Variants in HOMER2 observed in about 807,000 individuals in gnomAD.
The protein encoded by HOMER2 is homer protein homolog 2.
HOMER2 carries 27 observed loss-of-function variants against 47.0 expected under a neutral mutation model. The ratio of observed to expected loss-of-function variants is 0.57; its 90% CI spans 0.42 to 0.79. HOMER2 has a LOEUF of 0.79. Ranked by LOEUF, HOMER2 falls within the 30% of genes least tolerant of loss-of-function variation. HOMER2 has a pLI of 0.00. For synonymous variants in HOMER2, 161 were observed against 163.8 expected, an observed-to-expected ratio of 0.98 and a Z score of 0.13; for missense variants, 443 against 435.0, an observed-to-expected ratio of 1.02 and a Z score of -0.16.
At position 82,875,261 on chromosome 15, in the gene HOMER2, G is replaced by A; in HGVS notation, c.294+12C>T. On this transcript the variant is annotated intron_variant, in intron 3 of 8. Transcript: ENST00000450735. The stretch of plus-strand genomic sequence containing the variant: ...TGCGGGATTTACTGCACTGTGGATA[G>A]GACCAAGTTACCTTTGTCAGCTGCT... The A allele has an allele frequency of 6.2e-7, 1 of 1,612,706 alleles. No homozygotes were observed. The highest frequency in any genetic ancestry group is 8.5e-7 in the Non-Finnish European group (1 of 1,179,666).
chr15:82,916,352 C>A (rs1458970032), intron 1 of HOMER2, among the ~76,000 whole-genome samples: 2 of 152,114 alleles, frequency 1.3e-5, no homozygotes, highest in Non-Finnish European at 2.9e-5. Flanking sequence ...CCAAGAATAT[C>A]CCAGGAAACA....
chr15:82,983,770 T>C (rs191552001), intron 1 of HOMER2, among the ~76,000 whole-genome samples: 3 of 151,762 alleles, frequency 2.0e-5, no homozygotes, highest in Non-Finnish European at 4.4e-5. Flanking sequence ...TTTTGATTTT[T>C]TAGTAGAGAC....
intron 4 of HOMER2, among the ~76,000 whole-genome samples, chr15:82,862,502 T>G (rs2051827612): frequency 6.6e-6 from 1 of 152,158 alleles, no homozygotes; most frequent in Admixed American, 6.6e-5. Flanking sequence ...TCTGGAGAAA[T>G]TCAGATATTA....
At chr15:82,878,575 CTCTAT>C (rs1325747736) in intron 2 of HOMER2, among the ~76,000 whole-genome samples, 1 of 152,184 alleles carries the variant, frequency 6.6e-6, no homozygotes, top group Non-Finnish European at 1.5e-5. Context: ...ATTGCTTCCG[CTCTAT>C]TCTCTCTCCT....
intron 7 of HOMER2, 99 bp downstream of exon 7, chr15:82,852,043 G>A: frequency 1.3e-6 from 1 of 743,234 alleles, no homozygotes; most frequent in Non-Finnish European, 2.3e-6. Context: ...TATCCAGGCA[G>A]CTGCCAGGGC....
intron 1 of HOMER2, among the ~76,000 whole-genome samples, chr15:82,916,656 G>A (rs1360085649): frequency 6.6e-6 from 1 of 152,144 alleles, no homozygotes; most frequent in African/African-American, 2.4e-5. Flanking sequence ...TCGGCAGAGG[G>A]GGAGAGGTTA....
At chr15:82,859,271 C>A in intron 4 of HOMER2, 136 bp from the exon 5 acceptor site, 2 of 1,196,106 alleles carry the variant, frequency 1.7e-6, no homozygotes, top group Non-Finnish European at 1.2e-6. Context: ...CCAACTCATC[C>A]AACCAGAATG....
chr15:82,877,645 T>C (rs1287905363), intron 2 of HOMER2, among the ~76,000 whole-genome samples: 1 of 152,206 alleles, frequency 6.6e-6, no homozygotes. Flanking sequence ...CCTCTTCTTT[T>C]CCCCATCTAT....
chr15:82,977,271 T>C (rs2030237445), intron 1 of HOMER2, among the ~76,000 whole-genome samples: 1 of 152,114 alleles, frequency 6.6e-6, no homozygotes, highest in Admixed American at 6.5e-5. Flanking sequence ...TCTGAGAAGC[T>C]CCCAAGGCAC....
At chr15:82,881,847 C>T (rs542298604) in intron 2 of HOMER2, among the ~76,000 whole-genome samples, 5 of 152,288 alleles carry the variant, frequency 3.3e-5, no homozygotes, top group South Asian at 4.1e-4. Context: ...TTTCTGTGAT[C>T]CTATAAAATA....
chr15:82,923,144 G>C (rs907221221), intron 1 of HOMER2, among the ~76,000 whole-genome samples: 1 of 152,106 alleles, frequency 6.6e-6, no homozygotes, highest in Non-Finnish European at 1.5e-5. Flanking sequence ...AGTCCCCTTG[G>C]GTAGGGATCA....
intron 1 of HOMER2, among the ~76,000 whole-genome samples, chr15:82,909,302 G>A (rs536637944): frequency 2.2e-4 from 34 of 152,284 alleles, no homozygotes; most frequent in Admixed American, 7.8e-4. Context: ...GAGCAATGGC[G>A]AGAGCACACT....
intron 1 of HOMER2, among the ~76,000 whole-genome samples, chr15:82,930,611 G>A (rs937695495): frequency 3.3e-5 from 5 of 152,326 alleles, no homozygotes; most frequent in Middle Eastern, 3.4e-3. Context: ...ACAGACTTGG[G>A]CCTGGCCCAC....
chr15:82,966,799 A>T (rs920528826), intron 1 of HOMER2, among the ~76,000 whole-genome samples: 1 of 152,222 alleles, frequency 6.6e-6, no homozygotes. Context: ...AGAAAACGTG[A>T]GTGTGAATGA....
intron 1 of HOMER2, among the ~76,000 whole-genome samples, chr15:82,975,396 G>T (rs2030165717): frequency 6.6e-6 from 1 of 152,148 alleles, no homozygotes; most frequent in African/African-American, 2.4e-5. Flanking sequence ...GCATATCAGA[G>T]ATATCTACAC....
rs1156338251 is a variant in HOMER2, at chr15:82,952,327, GGTGCCCCTGCTGGGTGTCCGC to G, written c.5+183_5+203del. Among the ~76,000 whole-genome samples, 30 of 152,284 alleles carry G rather than the reference GGTGCCCCTGCTGGGTGTCCGC, an allele frequency of 2.0e-4. 1 individual carries two copies. The highest frequency in any genetic ancestry group is 1.3e-4 in the Admixed American group (2 of 15,306). ...GCCACGGGCTCCGCGCCCAGGCCAG[GGTGCCCCTGCTGGGTGTCCGC>G]GTGCCCCGGCGGAGGGCGCGGGTCA... is the stretch of plus-strand genomic sequence containing the variant. On this transcript the variant is annotated intron_variant, in intron 1 of 8. Coordinates refer to ENST00000450735, the MANE Select transcript of HOMER2 (RefSeq NM_004839.4).
At chr15:82,975,100 G>A (rs977847429) in intron 1 of HOMER2, among the ~76,000 whole-genome samples, 1 of 152,014 alleles carries the variant, frequency 6.6e-6, no homozygotes, top group African/African-American at 2.4e-5. Context: ...TGGCAAACAG[G>A]CATATGAAAA....
intron 1 of HOMER2, among the ~76,000 whole-genome samples, chr15:82,966,687 G>A (rs558233567): frequency 4.5e-4 from 68 of 152,260 alleles, no homozygotes; most frequent in African/African-American, 1.6e-3. Flanking sequence ...GGGACCTCTC[G>A]GATTAGGATT....
At chr15:82,963,915 G>A (rs1319921342) in intron 1 of HOMER2, among the ~76,000 whole-genome samples, 2 of 152,150 alleles carry the variant, frequency 1.3e-5, no homozygotes, top group African/African-American at 4.8e-5. Flanking sequence ...AGCCTTGGAT[G>A]ATCCCAAGTT....
Sources: allele counts gnomAD v4.1 joint callset (sites outside exome capture counted in the v4.1 genomes callset), GRCh38; gene constraint gnomAD v4.1.1; transcripts MANE v1.5; gene names NCBI Gene and HGNC (gene_info 2026-07-23, HGNC 2026-07-21).